PRKN: variants seen among roughly 807,000 people sequenced by gnomAD.
PRKN encodes the protein E3 ubiquitin-protein ligase parkin.
PRKN carries 56 observed loss-of-function variants against 59.5 expected under a neutral mutation model. The ratio of observed to expected loss-of-function variants is 0.94; its 90% CI spans 0.76 to 1.18. The LOEUF (loss-of-function observed/expected upper bound fraction) is 1.18, where lower values mean the gene tolerates loss of function less well. PRKN is among the 50% of genes most tolerant of loss of function. The probability of loss-of-function intolerance (pLI) is 0.00; values close to 1 mark genes in which losing one functional copy is unlikely to be tolerated. For synonymous variants in PRKN, 250 were observed against 222.1 expected (o/e 1.13, Z -1.12); for missense variants, 657 against 596.4 (o/e 1.10, Z -1.06).
chr6:161,768,115 C>T (rs1407133464), intron 7 of PRKN, among the ~76,000 whole-genome samples: 1 of 150,808 alleles, frequency 6.6e-6, no homozygotes. Flanking sequence ...TGAGTTATGT[C>T]AGAAACAAGA....
At chr6:162,348,549 G>A (rs954527581) in intron 2 of PRKN, among the ~76,000 whole-genome samples, 1 of 152,092 alleles carries the variant, frequency 6.6e-6, no homozygotes, top group Non-Finnish European at 1.5e-5. Context: ...TAAATCCAAA[G>A]AAAGTAAATC....
intron 4 of PRKN, among the ~76,000 whole-genome samples, chr6:162,184,261 A>G (rs1227453203): frequency 6.6e-6 from 1 of 152,202 alleles, no homozygotes; most frequent in Non-Finnish European, 1.5e-5. Context: ...GCTTCACAAA[A>G]GGGCAGAGTC....
At chr6:161,885,868 A>G (rs1795130421) in intron 6 of PRKN, among the ~76,000 whole-genome samples, 1 of 152,182 alleles carries the variant, frequency 6.6e-6, no homozygotes, top group Non-Finnish European at 1.5e-5. Flanking sequence ...CTATGTCCCA[A>G]GTTTGAGGAG....
chr6:162,254,364 G>A (rs144493666), intron 3 of PRKN, among the ~76,000 whole-genome samples: 45 of 151,994 alleles, frequency 3.0e-4, no homozygotes, highest in African/African-American at 1.1e-3. Flanking sequence ...GGCTGAGGGA[G>A]GAGAATTGCT....
chr6:161,352,811 C>T lies in PRKN; in HGVS notation c.1286-2600G>A, dbSNP rs977098944. Among the ~76,000 whole-genome samples the T allele has an allele frequency of 2.0e-5, 3 of 149,734 alleles. No homozygotes were observed. The highest frequency in any genetic ancestry group is 3.0e-5 in the Non-Finnish European group (2 of 67,762). On this transcript the variant is annotated intron_variant, in intron 11 of 11. Transcript: ENST00000366898. The surrounding 1 kb of genome is among the most constrained non-coding windows in gnomAD (Gnocchi z 5.8). ...ATTTTATTTTTTTGAGATGGAGTCT[C>T]GCTCTGTCGCCCAGGCTGGAGTACA...
At chr6:162,211,367 G>A (rs1785190267) in intron 3 of PRKN, among the ~76,000 whole-genome samples, 2 of 152,144 alleles carry the variant, frequency 1.3e-5, no homozygotes, top group Admixed American at 1.3e-4. Context: ...TACCAATGAG[G>A]AAAATTAAGT....
intron 5 of PRKN, among the ~76,000 whole-genome samples, chr6:162,047,088 A>G (rs1210888710): frequency 6.6e-6 from 1 of 152,180 alleles, no homozygotes; most frequent in Non-Finnish European, 1.5e-5. Context: ...ACACCATTCA[A>G]TCATAATCTG....
In PRKN at chr6:161,466,428, A is replaced by C. The variant is rs1422140118; in HGVS notation, c.1084-79551T>G. ...GGCTTGTTCTTTTTGTTACGGTAGA[A>C]ATCTAGAAAATAGTTTTATCATTTC... On this transcript the variant is annotated intron_variant, in intron 9 of 11. Transcript: ENST00000366898. The surrounding 1 kb of genome is among the most constrained non-coding windows in gnomAD (Gnocchi z 5.0). Among the ~76,000 whole-genome samples the C allele has an allele frequency of 6.6e-6, 1 of 152,168 alleles. No homozygotes were observed. The highest frequency in any genetic ancestry group is 1.9e-4 in the East Asian group (1 of 5,180).
chr6:162,262,430 T>G, intron 3 of PRKN, 95 bp downstream of exon 3: 2 of 1,479,216 alleles, frequency 1.4e-6, no homozygotes, highest in Non-Finnish European at 1.9e-6. Context: ...AAACGTATCA[T>G]AAACTAAATA....
chr6:161,973,501 T>C lies in PRKN; in HGVS notation c.619-84A>G. ...AATGTTTCCACAGTAAACAATCTCTTTGGACAAGAGAAGAAATCTGTTACG... is the reference window on the plus strand; with the variant it reads ...AATGTTTCCACAGTAAACAATCTCTCTGGACAAGAGAAGAAATCTGTTACG... On this transcript the variant is annotated intron_variant, in intron 5 of 11. Transcript: ENST00000366898. The C allele has an allele frequency of 5.2e-6, 4 of 772,246 alleles. No homozygotes were observed. In the South Asian group the frequency reaches 5.7e-5, roughly 11 times the overall value. The allele number at this position is 772,246 out of a possible 1,614,324, so 47.8% of individuals were successfully genotyped here. A position where few individuals can be genotyped will look rare whatever the true frequency, so the allele number is the denominator to read the frequency against.
chr6:162,666,272 T>A (rs1034583733), intron 1 of PRKN, among the ~76,000 whole-genome samples: 1 of 152,124 alleles, frequency 6.6e-6, no homozygotes, highest in Non-Finnish European at 1.5e-5. Context: ...ATCATTATAA[T>A]GGTATATAAA....
intron 6 of PRKN, among the ~76,000 whole-genome samples, chr6:161,895,018 AT>A (rs1777559482): frequency 1.3e-5 from 2 of 152,224 alleles, no homozygotes; most frequent in African/African-American, 4.8e-5. Flanking sequence ...ACAATATTTT[AT>A]AGACCGCTTA....
intron 1 of PRKN, among the ~76,000 whole-genome samples, chr6:162,639,176 G>A (rs1403319761): frequency 2.0e-5 from 3 of 152,006 alleles, no homozygotes; most frequent in East Asian, 3.9e-4. Context: ...CTGATTCACC[G>A]CATGCTTATC....
At chr6:162,429,513 G>C (rs773432897) in intron 2 of PRKN, among the ~76,000 whole-genome samples, 1 of 151,978 alleles carries the variant, frequency 6.6e-6, no homozygotes, top group Non-Finnish European at 1.5e-5. Context: ...GATTCTACCC[G>C]GATTTCTCTT....
At chr6:162,074,728 T>G (rs931662867) in intron 4 of PRKN, among the ~76,000 whole-genome samples, 1 of 152,158 alleles carries the variant, frequency 6.6e-6, no homozygotes, top group Non-Finnish European at 1.5e-5. Context: ...TTTGACACAG[T>G]CAATCACCAT....
intron 2 of PRKN, among the ~76,000 whole-genome samples, chr6:162,336,701 A>G (rs1369740275): frequency 6.6e-6 from 1 of 152,194 alleles, no homozygotes; most frequent in Non-Finnish European, 1.5e-5. Flanking sequence ...TAATCTCCAC[A>G]TCAGAATACT....
chr6:162,302,785 T>G (rs1782017339), intron 2 of PRKN, among the ~76,000 whole-genome samples: 1 of 152,104 alleles, frequency 6.6e-6, no homozygotes, highest in South Asian at 2.1e-4. Flanking sequence ...AGATATGTGG[T>G]AAGTTGTTAC....
intron 2 of PRKN, among the ~76,000 whole-genome samples, chr6:162,355,407 C>CTATCTA (rs1554304030): frequency 6.6e-6 from 1 of 151,182 alleles, no homozygotes; most frequent in Non-Finnish European, 1.5e-5. Context: ...ATCTATCTAT[C>CTATCTA]TATATATATA....
chr6:162,717,701 G>A (rs1562522159), intron 1 of PRKN, among the ~76,000 whole-genome samples: 1 of 152,062 alleles, frequency 6.6e-6, no homozygotes. Flanking sequence ...AACTAATACA[G>A]TAATCTGGCC....
Sources: allele counts gnomAD v4.1 joint callset (sites outside exome capture counted in the v4.1 genomes callset), GRCh38; gene constraint gnomAD v4.1.1; non-coding constraint Gnocchi (gnomAD v3.1); transcripts MANE v1.5; gene names NCBI Gene and HGNC (gene_info 2026-07-23, HGNC 2026-07-21).